Variants in GRID1 observed in about 807,000 individuals in gnomAD.
The protein encoded by GRID1 is glutamate receptor ionotropic, delta-1.
A neutral mutation model predicts 98.0 loss-of-function variants in GRID1; 28 were observed. The observed-to-expected ratio is 0.29, with a 90% confidence interval of 0.21 to 0.39. The LOEUF (loss-of-function observed/expected upper bound fraction) is 0.39, where lower values mean the gene tolerates loss of function less well. Among genes scored for constraint, GRID1 ranks in the 10% least tolerant of loss-of-function variants. GRID1 has a pLI of 1.00. For synonymous variants in GRID1, 553 were observed against 538.5 expected (o/e 1.03, Z -0.37); for missense variants, 1,111 against 1,340.5 (o/e 0.83, Z 2.67).
intron 5 of GRID1, among the ~76,000 whole-genome samples, chr10:85,886,742 C>A (rs1841123292): frequency 6.6e-6 from 1 of 152,128 alleles, no homozygotes; most frequent in African/African-American, 2.4e-5. Flanking sequence ...GTAAGGATCT[C>A]TTTTTTTCAA....
intron 2 of GRID1, among the ~76,000 whole-genome samples, chr10:86,271,491 G>A (rs1023982860): frequency 2.0e-5 from 3 of 152,152 alleles, no homozygotes; most frequent in Non-Finnish European, 4.4e-5. Flanking sequence ...ACAGATGTTG[G>A]AATTAGAAGA....
chr10:85,927,253 T>A (rs1841786771), intron 4 of GRID1, among the ~76,000 whole-genome samples: 1 of 152,216 alleles, frequency 6.6e-6, no homozygotes, highest in Non-Finnish European at 1.5e-5. Flanking sequence ...AGATGTGGCA[T>A]CATCTGGCCT....
intron 2 of GRID1, among the ~76,000 whole-genome samples, chr10:86,308,699 C>T (rs182018819): frequency 0.062 from 9,512 of 152,264 alleles, 535 homozygotes; most frequent in African/African-American, 0.15. Context: ...TTATTCCTTA[C>T]ACTTCTGGAG....
At chr10:85,946,059 T>C (rs990367523) in intron 4 of GRID1, among the ~76,000 whole-genome samples, 2 of 152,220 alleles carry the variant, frequency 1.3e-5, no homozygotes, top group Non-Finnish European at 2.9e-5. Flanking sequence ...CATTATCTCA[T>C]TATTACAAAT....
chr10:85,833,623 A>C (rs1842888253), intron 8 of GRID1, among the ~76,000 whole-genome samples: 1 of 152,204 alleles, frequency 6.6e-6, no homozygotes, highest in South Asian at 2.1e-4. Context: ...CACAACTTGA[A>C]TAAGAAAAAA....
intron 5 of GRID1, among the ~76,000 whole-genome samples, chr10:85,908,324 A>T (rs1285251411): frequency 2.6e-5 from 4 of 152,226 alleles, no homozygotes; most frequent in Non-Finnish European, 5.9e-5. Context: ...TAGTTTTGGT[A>T]AGTGGGTTTA....
intron 4 of GRID1, among the ~76,000 whole-genome samples, chr10:86,042,992 G>C (rs1447551243): frequency 6.6e-6 from 1 of 152,166 alleles, no homozygotes; most frequent in African/African-American, 2.4e-5. Context: ...GGCTGAGGTG[G>C]AAGGATCCCT....
At chr10:86,096,108 A>T (rs779179191) in intron 4 of GRID1, among the ~76,000 whole-genome samples, 4 of 152,172 alleles carry the variant, frequency 2.6e-5, no homozygotes, top group South Asian at 2.1e-4. Flanking sequence ...TGGAAAACCA[A>T]ATGTCATATG....
rs564261010 is a variant in GRID1 at position 86,078,788 on chromosome 10, C to G, written c.726+60031G>C. On this transcript the variant is annotated intron_variant, in intron 4 of 15. Coordinates refer to ENST00000327946, the MANE Select transcript of GRID1 (RefSeq NM_017551.3). Reference sequence around the variant, plus strand: ...TCTCCATGGAACCTAGGACCCCCAGCCCCCTGGCCTTGCAGCTAAATCCCT... The same window carrying G: ...TCTCCATGGAACCTAGGACCCCCAGGCCCCTGGCCTTGCAGCTAAATCCCT... Among the ~76,000 whole-genome samples, 3 of 152,318 alleles carry G rather than the reference C, an allele frequency of 2.0e-5. No homozygotes were observed. In the South Asian group the frequency reaches 6.2e-4, roughly 32 times the overall value.
At chr10:85,675,322 T>C (rs899988674) in intron 12 of GRID1, among the ~76,000 whole-genome samples, 3 of 152,130 alleles carry the variant, frequency 2.0e-5, no homozygotes, top group African/African-American at 7.2e-5. Context: ...CTCCTCTCCT[T>C]TCTTTTCCCT....
intron 3 of GRID1, among the ~76,000 whole-genome samples, chr10:86,194,581 T>G (rs530354944): frequency 6.6e-6 from 1 of 152,198 alleles, no homozygotes; most frequent in South Asian, 2.1e-4. Context: ...GTGTTTTAAA[T>G]GTGTATGTTG....
At chr10:85,771,903 G>A (rs1842272889) in intron 8 of GRID1, among the ~76,000 whole-genome samples, 1 of 152,094 alleles carries the variant, frequency 6.6e-6, no homozygotes, top group African/African-American at 2.4e-5. Context: ...GTCAACATTA[G>A]ACAGATCAAC....
intron 2 of GRID1, among the ~76,000 whole-genome samples, chr10:86,247,443 G>C (rs1180759670): frequency 6.6e-6 from 1 of 152,116 alleles, no homozygotes; most frequent in Non-Finnish European, 1.5e-5. Context: ...TGGTTGGCTG[G>C]GTGGGTAGAA....
At chr10:86,352,896 G>T (rs953503691) in intron 2 of GRID1, among the ~76,000 whole-genome samples, 9 of 152,252 alleles carry the variant, frequency 5.9e-5, no homozygotes, top group Non-Finnish European at 8.8e-5. Context: ...ATGCTGAGAT[G>T]CTACAGGGGA....
At chr10:85,985,085 C>A (rs570058310) in intron 4 of GRID1, among the ~76,000 whole-genome samples, 2 of 152,172 alleles carry the variant, frequency 1.3e-5, no homozygotes, top group African/African-American at 2.4e-5. Context: ...CCCAACCCCC[C>A]AGCTGTAACA....
intron 3 of GRID1, among the ~76,000 whole-genome samples, chr10:86,191,693 G>C (rs773786406): frequency 3.6e-4 from 55 of 152,294 alleles, no homozygotes; most frequent in Non-Finnish European, 6.2e-4. Context: ...TGAGGTCCCA[G>C]TACCCACTGG....
chr10:85,732,709 C>T (rs1346994333), intron 8 of GRID1, among the ~76,000 whole-genome samples: 1 of 152,158 alleles, frequency 6.6e-6, no homozygotes, highest in Non-Finnish European at 1.5e-5. Context: ...ACCCTTACAA[C>T]AAATAAACTC....
intron 3 of GRID1, among the ~76,000 whole-genome samples, chr10:86,180,565 G>A (rs1845641013): frequency 6.6e-6 from 1 of 151,952 alleles, no homozygotes; most frequent in African/African-American, 2.4e-5. Flanking sequence ...TCCCAAGCTG[G>A]GCTGGGCAGA....
At chr10:85,862,594 G>A (rs1417752501) in intron 6 of GRID1, among the ~76,000 whole-genome samples, 1 of 152,172 alleles carries the variant, frequency 6.6e-6, no homozygotes, top group African/African-American at 2.4e-5. Flanking sequence ...GCGTCTCTGG[G>A]AAGCAGGAGA....
Sources: gnomAD v4.1 joint callset for allele counts (sites outside exome capture counted in the v4.1 genomes callset) on GRCh38, gnomAD v4.1.1 for gene constraint, MANE v1.5 for transcripts, NCBI Gene and HGNC (gene_info 2026-07-23, HGNC 2026-07-21) for gene names.